DYNC1LI1: variants seen among roughly 807,000 people sequenced by gnomAD.
DYNC1LI1 encodes the protein dynein cytoplasmic 1 light intermediate chain 1, also known as cytoplasmic dynein 1 light intermediate chain 1.
In DYNC1LI1, 19 loss-of-function variants were observed where a neutral mutation model predicts 63.8. The observed-to-expected ratio is 0.30, with a 90% CI of 0.21 to 0.44. The LOEUF is 0.44. Among genes scored for constraint, DYNC1LI1 ranks in the 20% least tolerant of loss-of-function variants. DYNC1LI1 has a pLI of 1.00. For synonymous variants in DYNC1LI1, 225 were observed against 232.3 expected (o/e 0.97, Z 0.28); for missense variants, 565 against 630.2 (o/e 0.90, Z 1.11).
At chr3:32,557,826 G>A (rs1413591046) in intron 2 of DYNC1LI1, among the ~76,000 whole-genome samples, 1 of 152,146 alleles carries the variant, frequency 6.6e-6, no homozygotes, top group Non-Finnish European at 1.5e-5. Context: ...TCAGCTTTAA[G>A]ACTGGCAGCC....
chr3:32,570,490 C>G (rs916936969), intron 1 of DYNC1LI1, 71 bp from the exon 2 acceptor site: 2 of 1,485,338 alleles, frequency 1.3e-6, no homozygotes, highest in Non-Finnish European at 1.8e-6. Flanking sequence ...GACCCGGCCT[C>G]GGCGCGCCGG....
chr3:32,526,291 T>C lies in DYNC1LI1; in HGVS notation c.*508A>G, dbSNP rs1448638960. 6.5e-6 allele frequency: 1 copy of C among 152,874 alleles called. No homozygotes were observed. Among genetic ancestry groups the C allele is most frequent in the East Asian group, 1.9e-4 (1 of 5,200 alleles). The allele number at this position is 152,874 out of a possible 1,614,324, so 9.5% of individuals were successfully genotyped here. On this transcript the variant is annotated 3_prime_UTR_variant, in exon 13 of 13. Transcript: ENST00000273130. ...ACGCTATCTGATAGTTTTCTTAGCA[T>C]ATTCCGTGTGTGGTGGTACATTTAT...
chr3:32,561,807 T>C (rs1698198728), intron 2 of DYNC1LI1, among the ~76,000 whole-genome samples: 1 of 151,830 alleles, frequency 6.6e-6, no homozygotes, highest in African/African-American at 2.4e-5. Flanking sequence ...AATTATGGTA[T>C]ATCTATATAT....
In DYNC1LI1 at chr3:32,528,583, C is replaced by T; in HGVS notation, c.1325G>A (p.Gly442Asp). 1 of 1,610,582 alleles carries T rather than the reference C, an allele frequency of 6.2e-7. No individual in the cohort carries two copies. The highest frequency in any genetic ancestry group is 8.5e-7 in the Non-Finnish European group (1 of 1,178,580). Residue 442 changes from glycine to aspartate, a missense_variant, in exon 12 of 13, where the codon GGC (glycine) becomes GAC (aspartate). By Grantham distance (94) the Gly-to-Asp change is moderately conservative (BLOSUM62 -1). Coordinates refer to ENST00000273130, the MANE Select transcript of DYNC1LI1 (RefSeq NM_016141.4). ...PNMKAGATSEGVLANFFNSLL... is the reference protein window; with the variant it reads ...PNMKAGATSEDVLANFFNSLL... ...ACTGTTGAAGAAATTTGCCAGAACG[C>T]CTTCACTTGTAGCTCCAGCTATAAA...
At chr3:32,544,317 T>G (rs1697923328) in intron 4 of DYNC1LI1, among the ~76,000 whole-genome samples, 1 of 152,192 alleles carries the variant, frequency 6.6e-6, no homozygotes. Context: ...GAAGAAAGAT[T>G]CAATCTTTTC....
Position 32,526,764 on chromosome 3 carries a change from C to G in DYNC1LI1, c.*35G>C. 6.7e-7 allele frequency: 1 copy of G among 1,489,456 alleles called. No individual in the cohort carries two copies. The highest frequency in any genetic ancestry group is 1.1e-5 in the South Asian group (1 of 88,016). 92.3% of individuals were successfully genotyped at this position (1,489,456 alleles called of 1,614,324 possible). A position where few individuals can be genotyped will look rare whatever the true frequency, so the allele number is the denominator to read the frequency against. On this transcript the variant is annotated 3_prime_UTR_variant, in exon 13 of 13. Coordinates refer to ENST00000273130, the MANE Select transcript of DYNC1LI1 (RefSeq NM_016141.4). ...AAGGCAGAGGCATGTTTACATTATC[C>G]CAGAAAACAGAATAAATGGCTTTAT... is the stretch of plus-strand genomic sequence containing the variant.
At chr3:32,543,158 A>T (rs1697905038) in intron 4 of DYNC1LI1, among the ~76,000 whole-genome samples, 1 of 152,136 alleles carries the variant, frequency 6.6e-6, no homozygotes, top group South Asian at 2.1e-4. Context: ...ACAGTTCAAC[A>T]ACTACTACTC....
At chr3:32,550,718 T>G (rs529807842) in intron 2 of DYNC1LI1, among the ~76,000 whole-genome samples, 1 of 152,336 alleles carries the variant, frequency 6.6e-6, no homozygotes, top group Admixed American at 6.5e-5. Flanking sequence ...AAACACAGAT[T>G]ACTGGGACCC....
chr3:32,529,347 AATG>A (rs747797187), intron 11 of DYNC1LI1, among the ~76,000 whole-genome samples, 190 bp downstream of exon 11: 3 of 152,212 alleles, frequency 2.0e-5, no homozygotes, highest in African/African-American at 7.2e-5. Flanking sequence ...TTATCATGGA[AATG>A]ATGATACATC....
chr3:32,567,042 G>A (rs1352822289), intron 2 of DYNC1LI1, among the ~76,000 whole-genome samples: 6 of 152,216 alleles, frequency 3.9e-5, no homozygotes, highest in African/African-American at 1.2e-4. Context: ...CTGCATCCCA[G>A]AATCCAATAA....
intron 5 of DYNC1LI1, among the ~76,000 whole-genome samples, chr3:32,540,099 G>A (rs902974604): frequency 3.3e-5 from 5 of 151,224 alleles, no homozygotes; most frequent in South Asian, 4.2e-4. Flanking sequence ...TCGATCTCCT[G>A]ACCTCGTGAT....
In DYNC1LI1 at chr3:32,545,013, G is replaced by A. The variant is rs1383792317; in HGVS notation, c.431C>T (p.Thr144Ile). The A allele has an allele frequency of 1.2e-5, 19 of 1,613,918 alleles. No individual in the cohort carries two copies. The highest frequency in any genetic ancestry group is 1.5e-5 in the Non-Finnish European group (18 of 1,179,934). Reference sequence around the variant, plus strand: ...CATGTCAACAACCAGCATAACTAGAGTATCCTTCAGAGATACGGCATCCAG... The same window carrying A: ...CATGTCAACAACCAGCATAACTAGAATATCCTTCAGAGATACGGCATCCAG... ...FSLDAVSLKD[T>I]LVMLVVDMSK... Residue 144 changes from threonine (T) to isoleucine (I), a missense_variant, in exon 4 of 13, where the codon ACT becomes ATT. By Grantham distance (89) the Thr-to-Ile change is moderately conservative. Transcript: ENST00000273130.
intron 2 of DYNC1LI1, among the ~76,000 whole-genome samples, chr3:32,567,947 G>A (rs949929835): frequency 6.6e-6 from 1 of 151,770 alleles, no homozygotes; most frequent in Non-Finnish European, 1.5e-5. Context: ...CAGGTGATCC[G>A]CTCACCTAGG....
At chr3:32,548,494 A>C (rs1226388163) in intron 2 of DYNC1LI1, among the ~76,000 whole-genome samples, 1 of 152,206 alleles carries the variant, frequency 6.6e-6, no homozygotes, top group African/African-American at 2.4e-5. Flanking sequence ...GGCACCGAAA[A>C]GCAAATGCTC....
At chr3:32,560,185 A>G (rs1698170389) in intron 2 of DYNC1LI1, among the ~76,000 whole-genome samples, 1 of 152,220 alleles carries the variant, frequency 6.6e-6, no homozygotes, top group African/African-American at 2.4e-5. Context: ...CTGTAATCCC[A>G]AAACTTATGG....
chr3:32,534,339 A>G (rs962630582), intron 7 of DYNC1LI1, among the ~76,000 whole-genome samples, 172 bp downstream of exon 7: 3 of 152,234 alleles, frequency 2.0e-5, no homozygotes, highest in Non-Finnish European at 2.9e-5. Context: ...CTAAAAGGCA[A>G]TAATAGATAA....
chr3:32,530,934 T>A (rs1417977872), intron 8 of DYNC1LI1: 1 of 156,406 alleles, frequency 6.4e-6, no homozygotes, highest in Non-Finnish European at 1.4e-5. Context: ...AAACAGCAGT[T>A]AGGGTGTTTT....
chr3:32,550,841 T>C (rs1253027945), intron 2 of DYNC1LI1, among the ~76,000 whole-genome samples: 1 of 152,066 alleles, frequency 6.6e-6, no homozygotes, highest in African/African-American at 2.4e-5. Flanking sequence ...TGAAAACCAT[T>C]CCATGGCTGG....
intron 4 of DYNC1LI1, among the ~76,000 whole-genome samples, chr3:32,544,639 G>A (rs533888240): frequency 6.6e-6 from 1 of 151,678 alleles, no homozygotes; most frequent in Admixed American, 6.6e-5. Flanking sequence ...ATGGTGGCAG[G>A]TGCCCGTAAT....
Sources: allele counts gnomAD v4.1 joint callset (sites outside exome capture counted in the v4.1 genomes callset), GRCh38; gene constraint gnomAD v4.1.1; transcripts MANE v1.5; gene names NCBI Gene and HGNC (gene_info 2026-07-23, HGNC 2026-07-21).